The following RAPGEF6 variants were observed in gnomAD, a reference collection of about 807,000 sequenced individuals.
RAPGEF6 encodes the protein PDZ domain containing guanine nucleotide exchange factor (GEF) 2.
RAPGEF6 carries 56 observed loss-of-function variants against 171.4 expected under a neutral mutation model. The observed-to-expected ratio is 0.33, with a 90% CI of 0.26 to 0.41. The LOEUF (loss-of-function observed/expected upper bound fraction) is 0.41. Ranked by LOEUF, RAPGEF6 falls within the 10% of genes least tolerant of loss-of-function variation. The probability of loss-of-function intolerance (pLI) is 1.00; values close to 1 mark genes in which losing one functional copy is unlikely to be tolerated. For missense variants in RAPGEF6, 1,674 were observed against 1,921.4 expected, an observed-to-expected ratio of 0.87 and a Z score of 2.41; for synonymous variants, 692 against 650.1, an observed-to-expected ratio of 1.06 and a Z score of -0.98.
In RAPGEF6 at chr5:131,473,245, A is replaced by G. The variant is rs139481047; in HGVS notation, c.2082-501T>C. ...GGGGCCAAGGTCAAGTGACAAAGTA[A>G]GAGTGGTCTTTAAACACTGGACCAG... On this transcript the variant is annotated intron_variant, in intron 16 of 27. Transcript: ENST00000509018. Among the ~76,000 whole-genome samples, 503 of 152,356 alleles carry G rather than the reference A, an allele frequency of 3.3e-3. 2 individuals are homozygous for G. Among genetic ancestry groups the G allele is most frequent in the African/African-American group, 0.012 (482 of 41,582 alleles).
intron 1 of RAPGEF6, among the ~76,000 whole-genome samples, chr5:131,625,545 G>A (rs1410349837): frequency 1.3e-5 from 2 of 152,090 alleles, no homozygotes; most frequent in Non-Finnish European, 2.9e-5. Flanking sequence ...GCTGGGCACG[G>A]TGGCTCACAC....
At chr5:131,585,801 G>T (rs1763224276) in intron 4 of RAPGEF6, among the ~76,000 whole-genome samples, 2 of 152,130 alleles carry the variant, frequency 1.3e-5, no homozygotes, top group Non-Finnish European at 2.9e-5. Context: ...ACCCCAGCCT[G>T]GGCGGCAAGA....
intron 1 of RAPGEF6, among the ~76,000 whole-genome samples, chr5:131,625,811 C>CAAA (rs36057060): frequency 1.8e-4 from 21 of 113,692 alleles, no homozygotes; most frequent in Admixed American, 1.1e-3. Context: ...GACTCCGTCT[C>CAAA]AAAAAAAAAA....
chr5:131,452,913 T>A, intron 21 of RAPGEF6, 141 bp downstream of exon 21: 4 of 1,049,538 alleles, frequency 3.8e-6, no homozygotes, highest in Non-Finnish European at 5.1e-6. Context: ...TAATGATAAA[T>A]GATTACATGA....
At chr5:131,622,954 T>C (rs571344051) in intron 1 of RAPGEF6, among the ~76,000 whole-genome samples, 1 of 152,204 alleles carries the variant, frequency 6.6e-6, no homozygotes, top group Non-Finnish European at 1.5e-5. Context: ...TGAAGACCAT[T>C]TTTCTAAATT....
chr5:131,524,834 T>A (rs1758773291), intron 6 of RAPGEF6, among the ~76,000 whole-genome samples: 1 of 152,184 alleles, frequency 6.6e-6, no homozygotes, highest in African/African-American at 2.4e-5. Context: ...CAGGCTGGTC[T>A]CCAGCTCTTG....
chr5:131,594,365 A>G (rs963335927), intron 3 of RAPGEF6, among the ~76,000 whole-genome samples: 1 of 152,250 alleles, frequency 6.6e-6, no homozygotes, highest in African/African-American at 2.4e-5. Context: ...CGCAGAGGTC[A>G]AAAGTTGAGG....
rs1197763781 is a variant in RAPGEF6 at position 131,479,660 on chromosome 5, ATAGAATGGC to A, written c.1925_1933del (p.Arg642_Ile645delinsLeu). 2 of 1,613,914 alleles carry A rather than the reference ATAGAATGGC, an allele frequency of 1.2e-6. No individual in the cohort carries two copies. The highest frequency in any genetic ancestry group is 1.7e-6 in the Non-Finnish European group (2 of 1,180,002). ...TTCAATATCTCCTGGCACATGCTGG[ATAGAATGGC>A]GATTACTTTTTTTTTCAGCAATTTT... On this transcript the variant is annotated inframe_deletion, in exon 16 of 28. Coordinates refer to ENST00000509018, the MANE Select transcript of RAPGEF6 (RefSeq NM_016340.6).
At chr5:131,557,574 C>T (rs1412060167) in intron 5 of RAPGEF6, among the ~76,000 whole-genome samples, 2 of 152,044 alleles carry the variant, frequency 1.3e-5, no homozygotes, top group African/African-American at 2.4e-5. Context: ...CATCTCCTAG[C>T]CAATAGTTTT....
chr5:131,623,014 C>T (rs1765682929), intron 1 of RAPGEF6, among the ~76,000 whole-genome samples: 1 of 152,076 alleles, frequency 6.6e-6, no homozygotes, highest in South Asian at 2.1e-4. Flanking sequence ...TTTTTAAATT[C>T]CCAGCTCCTT....
intron 15 of RAPGEF6, 24 bp downstream of exon 15, chr5:131,489,522 G>C: frequency 7.3e-7 from 1 of 1,368,992 alleles, no homozygotes; most frequent in Non-Finnish European, 1.0e-6. Flanking sequence ...AAAGAGTTCA[G>C]GCAATTTTTA....
chr5:131,515,972 T>C (rs900309244), intron 7 of RAPGEF6, among the ~76,000 whole-genome samples: 3 of 151,136 alleles, frequency 2.0e-5, no homozygotes, highest in Admixed American at 2.0e-4. Context: ...ATCAGAGCAA[T>C]TTATTTCAAG....
chr5:131,525,143 A>G (rs1462800134), intron 6 of RAPGEF6, among the ~76,000 whole-genome samples: 4 of 152,228 alleles, frequency 2.6e-5, no homozygotes, highest in Non-Finnish European at 5.9e-5. Context: ...CAGAACAAGT[A>G]AAGATATAAA....
At chr5:131,525,184 A>C (rs1758793090) in intron 6 of RAPGEF6, among the ~76,000 whole-genome samples, 1 of 152,212 alleles carries the variant, frequency 6.6e-6, no homozygotes, top group Non-Finnish European at 1.5e-5. Flanking sequence ...AACGACCTAA[A>C]GAGTATAGAC....
chr5:131,624,224 T>C (rs976127942), intron 1 of RAPGEF6, among the ~76,000 whole-genome samples: 2 of 152,224 alleles, frequency 1.3e-5, no homozygotes, highest in Admixed American at 1.3e-4. Context: ...CTAGAGAAGT[T>C]AGATAACTTG....
chr5:131,618,535 A>G (rs1561612370), intron 1 of RAPGEF6, among the ~76,000 whole-genome samples: 1 of 152,076 alleles, frequency 6.6e-6, no homozygotes, highest in Non-Finnish European at 1.5e-5. Context: ...CTACTCAGGA[A>G]GCTGAGGCAC....
intron 1 of RAPGEF6, among the ~76,000 whole-genome samples, chr5:131,608,612 G>A (rs375463035): frequency 1.3e-5 from 2 of 152,206 alleles, no homozygotes; most frequent in East Asian, 1.9e-4. Context: ...GATCCCCAAT[G>A]TAGCAGTGTT....
At chr5:131,447,061 C>T (rs1021086403) in intron 21 of RAPGEF6, 4 of 194,450 alleles carry the variant, frequency 2.1e-5, no homozygotes, top group Non-Finnish European at 4.3e-5. Context: ...GTCTGGACCA[C>T]GACAAGTCCA....
chr5:131,456,229 T>C (rs1382469307), intron 19 of RAPGEF6, among the ~76,000 whole-genome samples: 2 of 152,238 alleles, frequency 1.3e-5, no homozygotes, highest in Non-Finnish European at 2.9e-5. Flanking sequence ...CCTATAGTTC[T>C]ATACCTACAT....
Sources: allele counts gnomAD v4.1 joint callset (sites outside exome capture counted in the v4.1 genomes callset), GRCh38; gene constraint gnomAD v4.1.1; transcripts MANE v1.5; gene names NCBI Gene and HGNC (gene_info 2026-07-23, HGNC 2026-07-21).